Variants in PMFBP1 observed in about 807,000 individuals in gnomAD.
PMFBP1 encodes polyamine modulated factor 1 binding protein 1.
PMFBP1 carries 131 observed loss-of-function variants against 137.8 expected under a neutral mutation model. The observed-to-expected ratio is 0.95, with a 90% CI of 0.82 to 1.10. The LOEUF (loss-of-function observed/expected upper bound fraction) is 1.10. Among genes scored for constraint, PMFBP1 ranks in the 50% least tolerant of loss-of-function variants. The pLI, the probability that PMFBP1 is intolerant of heterozygous loss-of-function variation, is 0.00. For synonymous variants in PMFBP1, 490 were observed against 450.4 expected (o/e 1.09, Z -1.11); for missense variants, 1,199 against 1,175.4 (o/e 1.02, Z -0.29).
upstream of PMFBP1, among the ~76,000 whole-genome samples, chr16:72,177,969 G>C (rs555496660): frequency 1.3e-5 from 2 of 152,190 alleles, no homozygotes; most frequent in East Asian, 3.9e-4. Context: ...ATGGCACACT[G>C]CAGCCTCGAC....
chr16:72,149,403 A>C (rs1216834499), intron 5 of PMFBP1, among the ~76,000 whole-genome samples: 2 of 152,234 alleles, frequency 1.3e-5, no homozygotes, highest in African/African-American at 4.8e-5. Context: ...ATCACACTTC[A>C]AGAATTATCC....
chr16:72,133,055 G>A, intron 9 of PMFBP1, 64 bp from the exon 10 acceptor site: 1 of 1,578,284 alleles, frequency 6.3e-7, no homozygotes, highest in South Asian at 1.2e-5. Flanking sequence ...GGCAATGAGA[G>A]GTTGTCTCAA....
At chr16:72,183,065 G>T in the PMFBP1 span, among the ~76,000 whole-genome samples, 1 of 152,108 alleles carries the variant, frequency 6.6e-6, no homozygotes, top group African/African-American at 2.4e-5. Flanking sequence ...CTCTCCCCTG[G>T]CCCCTGAGGC....
chr16:72,244,266 T>C, the PMFBP1 span, among the ~76,000 whole-genome samples: 1 of 152,100 alleles, frequency 6.6e-6, no homozygotes. Flanking sequence ...GTAATGATTA[T>C]TCTAATATTG....
the PMFBP1 span, among the ~76,000 whole-genome samples, chr16:72,225,934 G>C: frequency 9.9e-5 from 14 of 140,766 alleles, no homozygotes; most frequent in East Asian, 6.5e-4. Flanking sequence ...CACACTCACA[G>C]ACACACACAC....
chr16:72,124,972 T>C, intron 16 of PMFBP1, 38 bp from the exon 17 acceptor site: 1 of 1,603,988 alleles, frequency 6.2e-7, no homozygotes, highest in Middle Eastern at 1.7e-4. Context: ...GGACTCCAGC[T>C]GGCCTCCCTG....
At chr16:72,156,551 C>T (rs1193519108) in intron 3 of PMFBP1, among the ~76,000 whole-genome samples, 1 of 151,356 alleles carries the variant, frequency 6.6e-6, no homozygotes, top group Non-Finnish European at 1.5e-5. Context: ...ACCTGGGAGG[C>T]AGAGCTTGCA....
chr16:72,144,092 C>T (rs910928541), intron 5 of PMFBP1, among the ~76,000 whole-genome samples: 2 of 151,598 alleles, frequency 1.3e-5, no homozygotes, highest in African/African-American at 4.8e-5. Flanking sequence ...ATTTATAAAA[C>T]CAATAACAAC....
chr16:72,154,697 A>T (rs757570463), intron 3 of PMFBP1, among the ~76,000 whole-genome samples: 2 of 152,138 alleles, frequency 1.3e-5, no homozygotes, highest in Non-Finnish European at 2.9e-5. Flanking sequence ...TATCTACCAA[A>T]ATCTTATTAT....
upstream of PMFBP1, among the ~76,000 whole-genome samples, chr16:72,172,893 G>A (rs900418219): frequency 4.6e-5 from 7 of 152,288 alleles, no homozygotes; most frequent in South Asian, 2.1e-4. Context: ...CTTGATGCAG[G>A]ATTGCTACAA....
At chr16:72,204,329 T>C in the PMFBP1 span, among the ~76,000 whole-genome samples, 14 of 151,866 alleles carry the variant, frequency 9.2e-5, no homozygotes, top group African/African-American at 3.1e-4. Context: ...CTGGGAATAC[T>C]TTTACTTTAT....
chr16:72,191,195 G>A, the PMFBP1 span, among the ~76,000 whole-genome samples: 3 of 152,186 alleles, frequency 2.0e-5, no homozygotes, highest in Non-Finnish European at 4.4e-5. Context: ...TTTACAGACA[G>A]ATTCTGTATT....
chr16:72,176,932 C>A (rs1007834889), upstream of PMFBP1: 4 of 152,226 alleles, frequency 2.6e-5, no homozygotes, highest in African/African-American at 9.7e-5. Flanking sequence ...ATGCCCCTTC[C>A]CTTTCTCGAC....
At chr16:72,147,810 A>C (rs2042835288) in intron 5 of PMFBP1, among the ~76,000 whole-genome samples, 1 of 152,250 alleles carries the variant, frequency 6.6e-6, no homozygotes, top group Admixed American at 6.5e-5. Flanking sequence ...GCAAGTCAAA[A>C]CCACAATGAG....
chr16:72,207,767 CATAT>C, the PMFBP1 span, among the ~76,000 whole-genome samples: 847 of 144,656 alleles, frequency 5.9e-3, 2 homozygotes, highest in Non-Finnish European at 9.7e-3. Flanking sequence ...CACACATATA[CATAT>C]ATAAAGAAAT....
chr16:72,143,938 G>A (rs1401632271), intron 5 of PMFBP1, among the ~76,000 whole-genome samples: 4 of 152,170 alleles, frequency 2.6e-5, no homozygotes, highest in Non-Finnish European at 5.9e-5. Flanking sequence ...CTACTCGGGA[G>A]GCTGAGGCAG....
chr16:72,181,414 T>A (rs1414317097), upstream of PMFBP1, among the ~76,000 whole-genome samples: 3 of 152,196 alleles, frequency 2.0e-5, no homozygotes, highest in African/African-American at 7.2e-5. Flanking sequence ...AGTTCTTAGC[T>A]ATCTATGGCT....
chr16:72,226,920 A>G, the PMFBP1 span, among the ~76,000 whole-genome samples: 1 of 152,194 alleles, frequency 6.6e-6, no homozygotes, highest in Non-Finnish European at 1.5e-5. Flanking sequence ...AAATTTTATG[A>G]AAGTACCTGG....
chr16:72,147,940 A>G (rs2042837802), intron 5 of PMFBP1, among the ~76,000 whole-genome samples: 1 of 152,202 alleles, frequency 6.6e-6, no homozygotes, highest in East Asian at 1.9e-4. Flanking sequence ...AAATTAGTTC[A>G]ACCATTGTGG....
Sources: allele counts gnomAD v4.1 joint callset (sites outside exome capture counted in the v4.1 genomes callset), GRCh38; gene constraint gnomAD v4.1.1; transcripts MANE v1.5; gene names NCBI Gene and HGNC (gene_info 2026-07-23, HGNC 2026-07-21).